The following GABRB1 variants were observed in gnomAD, a reference collection of about 807,000 sequenced individuals.
The protein encoded by GABRB1 is gamma-aminobutyric acid receptor subunit beta-1.
Under a neutral mutation model 51.6 loss-of-function variants are expected in GABRB1, and 17 were observed. The ratio of observed to expected loss-of-function variants is 0.33; its 90% CI spans 0.23 to 0.49. GABRB1 has a LOEUF of 0.49. Ranked by LOEUF, GABRB1 falls within the 20% of genes least tolerant of loss-of-function variation. The pLI is 0.99. For synonymous variants in GABRB1, 247 were observed against 218.9 expected, an observed-to-expected ratio of 1.13 and a Z score of -1.14; for missense variants, 410 against 600.6, an observed-to-expected ratio of 0.68 and a Z score of 3.32.
chr4:47,280,479 T>C (rs554836611), intron 4 of GABRB1, among the ~76,000 whole-genome samples: 15 of 150,392 alleles, frequency 1.0e-4, no homozygotes, highest in African/African-American at 3.6e-4. Context: ...TGATTTTATA[T>C]ATATATTTAT....
chr4:47,005,576 A>G (rs528466227), intron 1 of GABRB1, among the ~76,000 whole-genome samples: 1 of 151,466 alleles, frequency 6.6e-6, no homozygotes, highest in Admixed American at 6.6e-5. Context: ...GTAGTAAAGC[A>G]ATGCAAACAT....
intron 4 of GABRB1, among the ~76,000 whole-genome samples, chr4:47,193,516 T>A (rs866654889): frequency 6.6e-6 from 1 of 152,222 alleles, no homozygotes; most frequent in Non-Finnish European, 1.5e-5. Context: ...TTAATCTAAG[T>A]CTCAATTTCC....
At chr4:47,357,053 C>A (rs1370379638) in intron 5 of GABRB1, among the ~76,000 whole-genome samples, 1 of 152,194 alleles carries the variant, frequency 6.6e-6, no homozygotes, top group East Asian at 1.9e-4. Context: ...AGCCAAGATA[C>A]AAACCTCATT....
intron 3 of GABRB1, among the ~76,000 whole-genome samples, chr4:47,126,010 A>G (rs571478847): frequency 1.3e-5 from 2 of 151,204 alleles, no homozygotes; most frequent in African/African-American, 4.8e-5. Flanking sequence ...GTGTCTATAT[A>G]TGTATACATA....
chr4:47,353,149 GA>G (rs1418168571), intron 5 of GABRB1, among the ~76,000 whole-genome samples: 1 of 152,146 alleles, frequency 6.6e-6, no homozygotes, highest in Non-Finnish European at 1.5e-5. Context: ...CAGTATGGGG[GA>G]AACCACCCCC....
At chr4:47,289,645 C>A (rs371784927) in intron 4 of GABRB1, among the ~76,000 whole-genome samples, 245 of 152,226 alleles carry the variant, frequency 1.6e-3, no homozygotes, top group African/African-American at 5.8e-3. Context: ...GATTTAACTG[C>A]CAAAATTATA....
intron 3 of GABRB1, among the ~76,000 whole-genome samples, chr4:47,153,897 T>G (rs1717569735): frequency 6.6e-6 from 1 of 151,736 alleles, no homozygotes; most frequent in African/African-American, 2.4e-5. Flanking sequence ...CTGGGAAAAA[T>G]CAATAATAAA....
At chr4:47,150,180 ACAACACACAC>A (rs1717362176) in intron 3 of GABRB1, among the ~76,000 whole-genome samples, 1 of 104,986 alleles carries the variant, frequency 9.5e-6, no homozygotes, top group Admixed American at 1.3e-4. Context: ...ACACACACAC[ACAACACACAC>A]ACACACACAC....
chr4:47,111,308 A>AG (rs1360028180), intron 3 of GABRB1, among the ~76,000 whole-genome samples: 2 of 152,122 alleles, frequency 1.3e-5, no homozygotes, highest in Non-Finnish European at 2.9e-5. Flanking sequence ...TGTCCAACTA[A>AG]GGAATGTAAC....
chr4:47,336,135 A>G (rs1451781423), intron 5 of GABRB1, among the ~76,000 whole-genome samples: 1 of 152,222 alleles, frequency 6.6e-6, no homozygotes, highest in Non-Finnish European at 1.5e-5. Flanking sequence ...TTTTAAATTT[A>G]TATCATCAAT....
intron 3 of GABRB1, among the ~76,000 whole-genome samples, chr4:47,034,074 A>C (rs1725449944): frequency 6.6e-6 from 1 of 152,204 alleles, no homozygotes; most frequent in African/African-American, 2.4e-5. Flanking sequence ...TAATAATGTT[A>C]ATATTTTTCC....
chr4:47,094,827 AG>A (rs1259988659), intron 3 of GABRB1, among the ~76,000 whole-genome samples: 1 of 152,174 alleles, frequency 6.6e-6, no homozygotes, highest in African/African-American at 2.4e-5. Flanking sequence ...ACAGGTACAA[AG>A]ACTGAGGTCT....
chr4:47,350,216 T>TAGAGAGAGAGAG (rs1215848383), intron 5 of GABRB1, among the ~76,000 whole-genome samples: 27 of 73,804 alleles, frequency 3.7e-4, no homozygotes, highest in East Asian at 2.3e-3. Flanking sequence ...TATATATATA[T>TAGAGAGAGAGAG]ATAGAGAGAG....
upstream of GABRB1, among the ~76,000 whole-genome samples, chr4:47,028,887 G>T (rs904636034): frequency 1.4e-5 from 2 of 147,090 alleles, no homozygotes; most frequent in African/African-American, 2.5e-5. Context: ...ATATATATAT[G>T]GTGTATATGT....
At chr4:47,151,002 A>G (rs560037973) in intron 3 of GABRB1, among the ~76,000 whole-genome samples, 4 of 151,978 alleles carry the variant, frequency 2.6e-5, no homozygotes, top group African/African-American at 7.2e-5. Flanking sequence ...GCATTTGGGC[A>G]TTATAATCAG....
chr4:47,260,074 A>C (rs1029326292), intron 4 of GABRB1, among the ~76,000 whole-genome samples: 2 of 152,170 alleles, frequency 1.3e-5, no homozygotes, highest in African/African-American at 4.8e-5. Flanking sequence ...CTTTACCATT[A>C]TGCAATGGCC....
intron 4 of GABRB1, among the ~76,000 whole-genome samples, chr4:47,201,329 A>T (rs911884753): frequency 6.6e-6 from 1 of 152,154 alleles, no homozygotes; most frequent in African/African-American, 2.4e-5. Context: ...TACTTTATCT[A>T]AAAAAAGAAT....
At chr4:47,298,249 G>A (rs1220192593) in intron 4 of GABRB1, among the ~76,000 whole-genome samples, 3 of 151,770 alleles carry the variant, frequency 2.0e-5, no homozygotes, top group African/African-American at 7.3e-5. Flanking sequence ...AGGGCAATTA[G>A]GCAGAAGGAA....
intron 3 of GABRB1, among the ~76,000 whole-genome samples, chr4:47,071,274 C>T (rs1727323669): frequency 6.6e-6 from 1 of 152,206 alleles, no homozygotes. Context: ...AGTACCAAAC[C>T]TTCACCATCT....
Sources: gnomAD v4.1 joint callset for allele counts (sites outside exome capture counted in the v4.1 genomes callset) on GRCh38, gnomAD v4.1.1 for gene constraint, MANE v1.5 for transcripts, NCBI Gene and HGNC (gene_info 2026-07-23, HGNC 2026-07-21) for gene names.